The following TENM3 variants were observed in gnomAD, a reference collection of about 807,000 sequenced individuals.
The protein encoded by TENM3 is teneurin-3.
In TENM3, 63 loss-of-function variants were observed where a neutral mutation model predicts 255.1. That is an observed-to-expected ratio of 0.25 (90% CI 0.20 to 0.30). The LOEUF is 0.30. Among genes scored for constraint, TENM3 ranks in the 10% least tolerant of loss-of-function variants. The pLI, the probability that TENM3 is intolerant of heterozygous loss-of-function variation, is 1.00. For missense variants in TENM3, 2,929 were observed against 3,461.1 expected, an observed-to-expected ratio of 0.85 and a Z score of 3.86; for synonymous variants, 1,306 against 1,322.3, an observed-to-expected ratio of 0.99 and a Z score of 0.27.
At chr4:182,001,080 C>T in the TENM3 span, among the ~76,000 whole-genome samples, 551 of 148,570 alleles carry the variant, frequency 3.7e-3, 4 homozygotes, top group African/African-American at 0.013. Flanking sequence ...TTCAAAACTA[C>T]CTTCACCACC....
chr4:182,260,355 A>G (rs1384090524), intron 1 of TENM3, among the ~76,000 whole-genome samples: 1 of 152,234 alleles, frequency 6.6e-6, no homozygotes, highest in Non-Finnish European at 1.5e-5. Flanking sequence ...TATTCCCACC[A>G]ACAGTGTATG....
the TENM3 span, among the ~76,000 whole-genome samples, chr4:181,650,558 G>A: frequency 6.4e-4 from 98 of 152,154 alleles, no homozygotes; most frequent in African/African-American, 2.2e-3. Flanking sequence ...CAATCACTTT[G>A]TTTCCTTGTC....
intron 1 of TENM3, among the ~76,000 whole-genome samples, chr4:182,215,504 G>T (rs568217293): frequency 6.6e-6 from 1 of 152,192 alleles, no homozygotes; most frequent in African/African-American, 2.4e-5. Flanking sequence ...AAACAAATCT[G>T]CCCAGCTTCC....
intron 1 of TENM3, among the ~76,000 whole-genome samples, chr4:182,309,973 G>A (rs1387255124): frequency 1.3e-5 from 2 of 152,144 alleles, no homozygotes; most frequent in South Asian, 4.1e-4. Context: ...CGCTAGAAAG[G>A]TATTGTCATA....
At chr4:182,014,865 C>T in the TENM3 span, among the ~76,000 whole-genome samples, 1 of 152,078 alleles carries the variant, frequency 6.6e-6, no homozygotes, top group African/African-American at 2.4e-5. Flanking sequence ...AACCGACATG[C>T]AGAGAGATTA....
chr4:181,754,530 A>G, the TENM3 span, among the ~76,000 whole-genome samples: 1 of 152,198 alleles, frequency 6.6e-6, no homozygotes, highest in South Asian at 2.1e-4. Flanking sequence ...GATGGGTAAT[A>G]TCTCAAATGG....
chr4:181,612,118 G>A, the TENM3 span, among the ~76,000 whole-genome samples: 3 of 152,060 alleles, frequency 2.0e-5, no homozygotes, highest in South Asian at 2.1e-4. Context: ...GGAGACGTCC[G>A]CCCCCAGAGC....
intron 3 of TENM3, among the ~76,000 whole-genome samples, chr4:182,433,791 G>T (rs1044973977): frequency 6.6e-6 from 1 of 152,166 alleles, no homozygotes; most frequent in Non-Finnish European, 1.5e-5. Context: ...AGATATCTAG[G>T]ATAGTTATAA....
the TENM3 span, among the ~76,000 whole-genome samples, chr4:181,467,562 ATAAT>A: frequency 3.3e-5 from 5 of 152,172 alleles, no homozygotes; most frequent in Admixed American, 1.3e-4. Flanking sequence ...TGGTACAAAA[ATAAT>A]TAAATAGAGT....
chr4:182,686,031 A>G (rs995371778), intron 11 of TENM3, among the ~76,000 whole-genome samples: 4 of 152,028 alleles, frequency 2.6e-5, no homozygotes, highest in Non-Finnish European at 5.9e-5. Flanking sequence ...TGCTACTGTA[A>G]TTATTTTGGT....
At chr4:181,876,675 G>A in the TENM3 span, among the ~76,000 whole-genome samples, 6 of 152,130 alleles carry the variant, frequency 3.9e-5, no homozygotes, top group East Asian at 1.9e-4. Flanking sequence ...ATCAGCTGCC[G>A]GAAGGAAGTG....
rs571990358 is a variant in TENM3 at position 182,294,273 on chromosome 4, C to T, written c.-75-29673C>T. Among the ~76,000 whole-genome samples, 6 of 152,246 alleles carry T rather than the reference C, an allele frequency of 3.9e-5. No individual in the cohort carries two copies. In the East Asian group the frequency reaches 9.7e-4, roughly 24 times the overall value. On this transcript the variant is annotated intron_variant, in intron 1 of 27. Transcript: ENST00000511685. ...GGAGGTCTAAGAATTCTGAGTGACACATTTTTAAGATTTCTAGATTGAAGA... is the reference window on the plus strand; with the variant it reads ...GGAGGTCTAAGAATTCTGAGTGACATATTTTTAAGATTTCTAGATTGAAGA...
At chr4:181,540,123 CA>C in the TENM3 span, among the ~76,000 whole-genome samples, 1 of 151,966 alleles carries the variant, frequency 6.6e-6, no homozygotes, top group Non-Finnish European at 1.5e-5. Flanking sequence ...GAGAAGAATA[CA>C]AAGACAGAAC....
intron 5 of TENM3, among the ~76,000 whole-genome samples, chr4:182,644,633 A>G (rs569806981): frequency 6.6e-6 from 1 of 152,176 alleles, no homozygotes; most frequent in Non-Finnish European, 1.5e-5. Flanking sequence ...CCTTCATAAA[A>G]TTTTACTGAT....
intron 1 of TENM3, among the ~76,000 whole-genome samples, chr4:182,188,842 G>A (rs1753332046): frequency 6.6e-6 from 1 of 152,104 alleles, no homozygotes; most frequent in Admixed American, 6.5e-5. Context: ...CAGTGAACAT[G>A]TACTGACTGA....
At position 182,307,693 on chromosome 4, in the gene TENM3, G is replaced by A. The variant is rs116111115; in HGVS notation, c.-75-16253G>A. 9.1e-3 allele frequency among the ~76,000 whole-genome samples: 1,385 copies of A among 152,300 alleles called. 11 individuals carry two copies. The highest frequency in any genetic ancestry group is 0.016 in the Non-Finnish European group (1,058 of 68,036). On this transcript the variant is annotated intron_variant, in intron 1 of 27. Coordinates refer to ENST00000511685, the MANE Select transcript of TENM3 (RefSeq NM_001080477.4). ...TAGATCATATTTTCTCAACAGTGAC[G>A]ACTGCATTTTAGCAATGCCTCCCTT... is the stretch of plus-strand genomic sequence containing the variant.
the TENM3 span, among the ~76,000 whole-genome samples, chr4:181,497,753 T>A: frequency 6.6e-6 from 1 of 152,322 alleles, no homozygotes; most frequent in South Asian, 2.1e-4. Flanking sequence ...TCAAACTTAA[T>A]AACCCCGCAA....
Position 182,696,754 on chromosome 4 carries a change from T to C in TENM3, c.2221+8403T>C, listed in dbSNP as rs537579753. ...AAAAAACAAAAATGCATATGACTTC[T>C]CTCATGTTTGTGGTATTAACTGAAA... On this transcript the variant is annotated intron_variant, in intron 12 of 27. Coordinates refer to ENST00000511685, the MANE Select transcript of TENM3 (RefSeq NM_001080477.4). Among the ~76,000 whole-genome samples the C allele has an allele frequency of 1.2e-3, 179 of 152,272 alleles. 1 individual carries two copies. The highest frequency in any genetic ancestry group is 3.9e-3 in the African/African-American group (162 of 41,554).
At chr4:181,793,537 A>G in the TENM3 span, among the ~76,000 whole-genome samples, 1 of 152,224 alleles carries the variant, frequency 6.6e-6, no homozygotes, top group South Asian at 2.1e-4. Context: ...AATATGGTTC[A>G]TTCACTGTGG....
Sources: gnomAD v4.1 joint callset for allele counts (sites outside exome capture counted in the v4.1 genomes callset) on GRCh38, gnomAD v4.1.1 for gene constraint, MANE v1.5 for transcripts, NCBI Gene and HGNC (gene_info 2026-07-23, HGNC 2026-07-21) for gene names.